The following FARP1 variants were observed in gnomAD, a reference collection of about 807,000 sequenced individuals.
FARP1 encodes FERM, ARH/RhoGEF and pleckstrin domain protein 1.
Under a neutral mutation model 128.8 loss-of-function variants are expected in FARP1, and 52 were observed. The ratio of observed to expected loss-of-function variants is 0.40; its 90% CI spans 0.32 to 0.51. The LOEUF is 0.51. Among genes scored for constraint, FARP1 ranks in the 20% least tolerant of loss-of-function variants. FARP1 has a pLI of 0.45. For missense variants in FARP1, 1,333 were observed against 1,367.9 expected, an observed-to-expected ratio of 0.97 and a Z score of 0.40; for synonymous variants, 580 against 551.8, an observed-to-expected ratio of 1.05 and a Z score of -0.72.
intron 2 of FARP1, among the ~76,000 whole-genome samples, chr13:98,248,214 C>T (rs1883162577): frequency 6.6e-6 from 1 of 152,014 alleles, no homozygotes; most frequent in Admixed American, 6.6e-5. Flanking sequence ...TTTTGCAGTA[C>T]CTAGAAAAAT....
At position 98,176,404 on chromosome 13, in the gene FARP1, C is replaced by G; in HGVS notation, c.-24+32912C>G. On this transcript the variant is annotated intron_variant, in intron 1 of 26. Coordinates refer to ENST00000319562, the MANE Select transcript of FARP1 (RefSeq NM_005766.4). The surrounding 1 kb of genome is among the most constrained non-coding windows in gnomAD (Gnocchi z 6.2). ...GGCCCGGAAGTGCTCCAGCGCGCAGCTCTCGCAGAAATAATGCCTGCACTT... is the reference window on the plus strand; with the variant it reads ...GGCCCGGAAGTGCTCCAGCGCGCAGGTCTCGCAGAAATAATGCCTGCACTT... 6.2e-7 allele frequency: 1 copy of G among 1,614,218 alleles called. No homozygotes were observed. Among genetic ancestry groups the G allele is most frequent in the Non-Finnish European group, 8.5e-7 (1 of 1,180,050 alleles).
At position 98,444,928 on chromosome 13, in the gene FARP1, C is replaced by T. The variant is rs116441232; in HGVS notation, c.2797-1170C>T. 4.0e-3 allele frequency among the ~76,000 whole-genome samples: 604 copies of T among 152,346 alleles called. 2 individuals carry two copies. The highest frequency in any genetic ancestry group is 0.014 in the African/African-American group (580 of 41,570). ...GACCTTCTGGGAACCTGGAGCCTTGCATTTTCTTGTTCCTTTCTGCCACTG... is the reference window on the plus strand; with the variant it reads ...GACCTTCTGGGAACCTGGAGCCTTGTATTTTCTTGTTCCTTTCTGCCACTG... On this transcript the variant is annotated intron_variant, in intron 24 of 26. Transcript: ENST00000319562.
At chr13:98,384,619 C>A in intron 6 of FARP1, 111 bp from the exon 7 acceptor site, 1 of 661,548 alleles carries the variant, frequency 1.5e-6, no homozygotes, top group East Asian at 2.7e-5. Context: ...TCCCCACCAA[C>A]TGGGCTCACC....
intron 1 of FARP1, among the ~76,000 whole-genome samples, chr13:98,206,978 C>A (rs574965174): frequency 6.6e-6 from 1 of 152,120 alleles, no homozygotes; most frequent in African/African-American, 2.4e-5. Context: ...AGAGGCCTTT[C>A]GGTTTGTTGG....
chr13:98,393,745 A>G (rs1278223695), intron 12 of FARP1, 27 bp downstream of exon 12: 1 of 1,575,410 alleles, frequency 6.3e-7, no homozygotes, highest in Non-Finnish European at 8.7e-7. Flanking sequence ...TCCTATGATA[A>G]CTCTGCTTTT....
At chr13:98,255,994 A>C (rs1487596622) in intron 2 of FARP1, among the ~76,000 whole-genome samples, 1 of 152,246 alleles carries the variant, frequency 6.6e-6, no homozygotes, top group African/African-American at 2.4e-5. Context: ...TTAAAGCAAC[A>C]ACCCTTCTGG....
At chr13:98,274,145 A>G (rs1407581170) in intron 2 of FARP1, among the ~76,000 whole-genome samples, 2 of 152,116 alleles carry the variant, frequency 1.3e-5, no homozygotes, top group Non-Finnish European at 2.9e-5. Flanking sequence ...CTTTGTCCCT[A>G]TTCAGATGTA....
chr13:98,153,182 T>TA (rs1000140709), intron 1 of FARP1, among the ~76,000 whole-genome samples: 24 of 150,392 alleles, frequency 1.6e-4, no homozygotes, highest in African/African-American at 5.9e-4. Flanking sequence ...TGTTTGGAAA[T>TA]ATCAGGATAT....
At chr13:98,388,167 A>AC (rs1890170413) in intron 8 of FARP1, among the ~76,000 whole-genome samples, 1 of 152,150 alleles carries the variant, frequency 6.6e-6, no homozygotes, top group African/African-American at 2.4e-5. Context: ...AGGCAGACTT[A>AC]GTTTGTATGC....
chr13:98,276,636 A>T (rs1178852742), intron 2 of FARP1, among the ~76,000 whole-genome samples: 1 of 152,252 alleles, frequency 6.6e-6, no homozygotes, highest in Non-Finnish European at 1.5e-5. Flanking sequence ...CAAAAGAACC[A>T]AAGTAAGTCA....
intron 3 of FARP1, among the ~76,000 whole-genome samples, chr13:98,351,471 G>A (rs1475255258): frequency 6.6e-6 from 1 of 152,072 alleles, no homozygotes; most frequent in Admixed American, 6.5e-5. Context: ...AATTAGCTGG[G>A]CGTGGTGGCA....
intron 2 of FARP1, chr13:98,328,153 G>A (rs1383224442): frequency 1.3e-5 from 2 of 152,196 alleles, no homozygotes; most frequent in African/African-American, 4.8e-5. Flanking sequence ...CATCACAAAA[G>A]GGAGGGGTGG....
chr13:98,211,140 G>T (rs1880679985), intron 1 of FARP1, among the ~76,000 whole-genome samples: 1 of 152,180 alleles, frequency 6.6e-6, no homozygotes, highest in South Asian at 2.1e-4. Flanking sequence ...GCAGGGTAAA[G>T]ACCATATTTT....
intron 10 of FARP1, 148 bp downstream of exon 10, chr13:98,390,268 C>T (rs777200696): frequency 7.3e-5 from 61 of 837,162 alleles, no homozygotes; most frequent in Non-Finnish European, 1.1e-4. Flanking sequence ...GTATCTTAAT[C>T]CCAGTGGGCT....
At chr13:98,410,957 A>G in intron 15 of FARP1, 134 bp downstream of exon 15, 1 of 501,542 alleles carries the variant, frequency 2.0e-6, no homozygotes, top group Non-Finnish European at 3.6e-6. Context: ...GTCCTAGGGT[A>G]TAGAAATTAA....
At chr13:98,356,292 A>C (rs1266267865) in intron 3 of FARP1, among the ~76,000 whole-genome samples, 1 of 152,228 alleles carries the variant, frequency 6.6e-6, no homozygotes, top group Non-Finnish European at 1.5e-5. Flanking sequence ...CACAGAGTGT[A>C]CTTACACAAA....
intron 5 of FARP1, among the ~76,000 whole-genome samples, chr13:98,373,551 C>CACACACACAT (rs1889451535): frequency 1.3e-5 from 2 of 150,550 alleles, no homozygotes; most frequent in Non-Finnish European, 1.5e-5. Flanking sequence ...CACACACACA[C>CACACACACAT]ACACACACAC....
intron 2 of FARP1, among the ~76,000 whole-genome samples, chr13:98,255,175 G>T (rs1021900187): frequency 1.2e-4 from 19 of 152,176 alleles, no homozygotes; most frequent in African/African-American, 4.6e-4. Context: ...AGGCAGTGTT[G>T]TTAAACTGGC....
intron 1 of FARP1, among the ~76,000 whole-genome samples, chr13:98,201,492 A>G (rs1879943388): frequency 6.6e-6 from 1 of 152,154 alleles, no homozygotes; most frequent in Non-Finnish European, 1.5e-5. Context: ...AAGATACAAG[A>G]GTGTTGAACA....
Sources: gnomAD v4.1 joint callset for allele counts (sites outside exome capture counted in the v4.1 genomes callset) on GRCh38, gnomAD v4.1.1 for gene constraint, Gnocchi (gnomAD v3.1) non-coding constraint, MANE v1.5 for transcripts, NCBI Gene and HGNC (gene_info 2026-07-23, HGNC 2026-07-21) for gene names.